Variants in MAPK14 observed in about 807,000 individuals in gnomAD.
The protein encoded by MAPK14 is mitogen-activated protein kinase 14.
A neutral mutation model predicts 49.6 loss-of-function variants in MAPK14; 16 were observed. That is an observed-to-expected ratio of 0.32 (90% CI 0.22 to 0.49). The LOEUF (loss-of-function observed/expected upper bound fraction) is 0.49, where lower values mean the gene tolerates loss of function less well. MAPK14 is among the 20% of genes least tolerant of loss of function. The pLI, the probability that MAPK14 is intolerant of heterozygous loss-of-function variation, is 0.99. For missense variants in MAPK14, 200 were observed against 441.2 expected, an observed-to-expected ratio of 0.45 and a Z score of 4.90; for synonymous variants, 142 against 158.0, an observed-to-expected ratio of 0.90 and a Z score of 0.76.
At chr6:36,113,394 T>G (rs546192743), downstream of MAPK14, among the ~76,000 whole-genome samples, 1 of 150,456 alleles carries the variant, frequency 6.6e-6, no homozygotes, top group East Asian at 1.9e-4. Context: ...AAGTAGAATG[T>G]TTTTCAGTGT....
intron 8 of MAPK14, among the ~76,000 whole-genome samples, chr6:36,085,572 G>A (rs997580718): frequency 1.3e-5 from 2 of 152,006 alleles, no homozygotes; most frequent in Non-Finnish European, 2.9e-5. Context: ...AAAAAGACAA[G>A]GGCATTACAT....
intron 1 of MAPK14, among the ~76,000 whole-genome samples, chr6:36,037,618 A>G (rs1762802380): frequency 6.6e-6 from 1 of 152,136 alleles, no homozygotes; most frequent in African/African-American, 2.4e-5. Flanking sequence ...TTGAGTGCCT[A>G]CCATGTATGG....
chr6:36,059,034 C>T (rs1025591086), intron 2 of MAPK14, among the ~76,000 whole-genome samples: 1 of 151,952 alleles, frequency 6.6e-6, no homozygotes, highest in Non-Finnish European at 1.5e-5. Context: ...GGATTACAGG[C>T]GCCCGCCACC....
intron 3 of MAPK14, among the ~76,000 whole-genome samples, chr6:36,069,647 G>A (rs1404309082): frequency 6.6e-6 from 1 of 152,158 alleles, no homozygotes; most frequent in Non-Finnish European, 1.5e-5. Flanking sequence ...TGGTCTCTGA[G>A]GGGGAAAGGA....
chr6:36,033,464 G>T (rs1385782952), intron 1 of MAPK14, among the ~76,000 whole-genome samples: 2 of 152,058 alleles, frequency 1.3e-5, no homozygotes. Context: ...TTACAAGTGC[G>T]TGCCACCATG....
At chr6:36,092,705 G>A (rs964888624) in intron 8 of MAPK14, 1 of 305,538 alleles carries the variant, frequency 3.3e-6, no homozygotes, top group African/African-American at 2.2e-5. Flanking sequence ...AAGTGTAGGG[G>A]TGACAAAGGG....
intron 2 of MAPK14, among the ~76,000 whole-genome samples, chr6:36,054,315 A>G (rs1211947529): frequency 6.6e-6 from 1 of 152,248 alleles, no homozygotes; most frequent in Non-Finnish European, 1.5e-5. Context: ...GGGAGCCACT[A>G]GGATCCTATT....
At chr6:36,092,951 T>C (rs1032582484) in intron 8 of MAPK14, among the ~76,000 whole-genome samples, 1 of 152,142 alleles carries the variant, frequency 6.6e-6, no homozygotes, top group African/African-American at 2.4e-5. Flanking sequence ...TGAACAACTG[T>C]CTCTGATTAT....
chr6:36,114,739 ATTTCT>A (rs1342598203), downstream of MAPK14, among the ~76,000 whole-genome samples: 3 of 152,154 alleles, frequency 2.0e-5, no homozygotes, highest in East Asian at 1.9e-4. Flanking sequence ...AGGTCATTTC[ATTTCT>A]TAAAAAAAAA....
intron 8 of MAPK14, among the ~76,000 whole-genome samples, chr6:36,085,346 A>G (rs1040983196): frequency 1.3e-5 from 2 of 152,242 alleles, no homozygotes; most frequent in Non-Finnish European, 2.9e-5. Flanking sequence ...AGTGGGCTAA[A>G]TGCCCCAATT....
At chr6:36,036,581 A>G (rs1019614171) in intron 1 of MAPK14, among the ~76,000 whole-genome samples, 2 of 152,112 alleles carry the variant, frequency 1.3e-5, no homozygotes, top group African/African-American at 2.4e-5. Flanking sequence ...TGCCATAGTC[A>G]TTCCAGTCTT....
chr6:36,099,253 T>C (rs1765552182), intron 9 of MAPK14, among the ~76,000 whole-genome samples: 1 of 152,254 alleles, frequency 6.6e-6, no homozygotes, highest in African/African-American at 2.4e-5. Flanking sequence ...ACATTGAATA[T>C]TTTTAAAATC....
chr6:36,040,683 A>G (rs1164004383), intron 1 of MAPK14, among the ~76,000 whole-genome samples: 3 of 152,166 alleles, frequency 2.0e-5, no homozygotes, highest in African/African-American at 7.2e-5. Context: ...GTGTTTTGTC[A>G]TTGTCATGGC....
intron 6 of MAPK14, among the ~76,000 whole-genome samples, chr6:36,075,092 G>A (rs1291928957): frequency 1.3e-5 from 2 of 151,738 alleles, no homozygotes; most frequent in African/African-American, 4.8e-5. Context: ...TGGGCATGGT[G>A]GCGGGCACCT....
chr6:36,073,924 G>T, intron 5 of MAPK14, 125 bp from the exon 6 acceptor site: 1 of 883,484 alleles, frequency 1.1e-6, no homozygotes, highest in East Asian at 2.4e-5. Context: ...TTGACTGTAG[G>T]ATGGAGATTG....
intron 1 of MAPK14, among the ~76,000 whole-genome samples, chr6:36,043,815 T>C (rs1763063397): frequency 7.1e-6 from 1 of 141,556 alleles, no homozygotes; most frequent in East Asian, 2.0e-4. Flanking sequence ...TTTTTTTTTT[T>C]TTTTTTTTTT....
At chr6:36,093,504 G>A (rs1000098838) in intron 8 of MAPK14, among the ~76,000 whole-genome samples, 1 of 152,110 alleles carries the variant, frequency 6.6e-6, no homozygotes, top group Admixed American at 6.5e-5. Context: ...CGGATCATGA[G>A]GACAGGAGAT....
chr6:36,111,303 T>C (rs1765967740), downstream of MAPK14: 1 of 152,240 alleles, frequency 6.6e-6, no homozygotes, highest in Non-Finnish European at 1.5e-5. Context: ...GGCAAATAGT[T>C]GCAGCAGAGA....
At chr6:36,044,251 C>T (rs1242346026) in intron 1 of MAPK14, among the ~76,000 whole-genome samples, 1 of 152,188 alleles carries the variant, frequency 6.6e-6, no homozygotes, top group Admixed American at 6.5e-5. Flanking sequence ...TAGAAGTCAT[C>T]TATGACCATT....
Sources: gnomAD v4.1 joint callset for allele counts (sites outside exome capture counted in the v4.1 genomes callset) on GRCh38, gnomAD v4.1.1 for gene constraint, MANE v1.5 for transcripts, NCBI Gene and HGNC (gene_info 2026-07-23, HGNC 2026-07-21) for gene names.